Variants in USP5 observed in about 807,000 individuals in gnomAD.
USP5 encodes ubiquitin specific peptidase 5.
In USP5, 24 loss-of-function variants were observed where a neutral mutation model predicts 102.5. The ratio of observed to expected loss-of-function variants is 0.23; its 90% CI spans 0.17 to 0.33. The LOEUF (loss-of-function observed/expected upper bound fraction) is 0.33, where lower values mean the gene tolerates loss of function less well. Ranked by LOEUF, USP5 falls within the 10% of genes least tolerant of loss-of-function variation. The pLI, the probability that USP5 is intolerant of heterozygous loss-of-function variation, is 1.00. For synonymous variants in USP5, 460 were observed against 434.8 expected (o/e 1.06, Z -0.72); for missense variants, 753 against 1,122.1 (o/e 0.67, Z 4.70).
chr12:6,865,365 A>T, intron 19 of USP5, 117 bp downstream of exon 19: 1 of 919,972 alleles, frequency 1.1e-6, no homozygotes, highest in Non-Finnish European at 1.7e-6. Flanking sequence ...ATGGGGACAT[A>T]AAGTGCCAGA....
Position 6,858,341 on chromosome 12 carries a change from T to G in USP5, c.865-83T>G. The stretch of plus-strand genomic sequence containing the variant: ...ACAAATTCTAGGCCACAGTTGAGTA[T>G]CATCCTAGACTCAGTGAGAGATCGA... On this transcript the variant is annotated intron_variant, in intron 7 of 19. Coordinates refer to ENST00000229268, the MANE Select transcript of USP5 (RefSeq NM_001098536.2). The surrounding 1 kb of genome is among the most constrained non-coding windows in gnomAD (Gnocchi z 4.2). 2 of 1,423,624 alleles carry G rather than the reference T, an allele frequency of 1.4e-6. No homozygotes were observed. Among genetic ancestry groups the G allele is most frequent in the Non-Finnish European group, 1.9e-6 (2 of 1,036,442 alleles). The allele number at this position is 1,423,624 out of a possible 1,614,324, so 88.2% of individuals were successfully genotyped here. A position where few individuals can be genotyped will look rare whatever the true frequency, so the allele number is the denominator to read the frequency against.
rs1031844214 is a variant in USP5 at position 6,857,723 on chromosome 12, G to A, written c.864G>A (p.Lys288=). The A allele has an allele frequency of 6.2e-7, 1 of 1,614,098 alleles. No homozygotes were observed. Among genetic ancestry groups the A allele is most frequent in the Non-Finnish European group, 8.5e-7 (1 of 1,180,016 alleles). The change falls in exon 7 of 20, where the codon AAG becomes AAA. Residue 288 remains lysine (K), a splice_region_variant and synonymous_variant. Coordinates refer to ENST00000229268, the MANE Select transcript of USP5 (RefSeq NM_001098536.2). ...HFGIDMLKMQ[K]TDKTMTELEI... ...GCATCGACATGCTGAAGATGCAGAAGGTGAGACCCCCTTCAACTTCAGATT... is the reference window on the plus strand; with the variant it reads ...GCATCGACATGCTGAAGATGCAGAAAGTGAGACCCCCTTCAACTTCAGATT...
Position 6,855,834 on chromosome 12 carries a change from G to A in USP5, c.304+13G>A, listed in dbSNP as rs201410113. The A allele has an allele frequency of 5.0e-6, 8 of 1,614,178 alleles. No individual in the cohort carries two copies. The highest frequency in any genetic ancestry group is 2.2e-5 in the East Asian group (1 of 44,868). On this transcript the variant is annotated intron_variant, in intron 3 of 19. Transcript: ENST00000229268. The surrounding 1 kb of genome is among the most constrained non-coding windows in gnomAD (Gnocchi z 4.6). Reference sequence around the variant, plus strand: ...CGGCTGGCTATTGGTGAGCACCGCTGCAGTCCTATTCTTCTCCCTGAGCTG... The same window carrying A: ...CGGCTGGCTATTGGTGAGCACCGCTACAGTCCTATTCTTCTCCCTGAGCTG...
Position 6,863,322 on chromosome 12 carries a change from C to T in USP5, c.1899C>T (p.Phe633=). 1 of 1,614,220 alleles carries T rather than the reference C, an allele frequency of 6.2e-7. No homozygotes were observed. The highest frequency in any genetic ancestry group is 8.5e-7 in the Non-Finnish European group (1 of 1,180,028). Residue 633 remains phenylalanine, a synonymous_variant, in exon 15 of 20, where the codon TTC becomes TTT. Coordinates refer to ENST00000229268, the MANE Select transcript of USP5 (RefSeq NM_001098536.2). This position sits in a 1 kb window ranked among gnomAD's most constrained non-coding sequence, Gnocchi z 4.7. ...ATGAGCCCAAAGGTAGCCTTGGTTT[C>T]TATGGCAACGAAGACGAAGACTCCT... ...TPDEPKGSLG[F]YGNEDEDSFC...
chr12:6,854,337 G>A (rs1944045996), intron 1 of USP5, among the ~76,000 whole-genome samples: 1 of 152,152 alleles, frequency 6.6e-6, no homozygotes, highest in Admixed American at 6.5e-5. Context: ...CAGACTGGGT[G>A]CATGTTTAGC....
Position 6,858,435 on chromosome 12 carries a change from G to A in USP5, c.876G>A (p.Thr292=). 4.4e-6 allele frequency: 7 copies of A among 1,602,324 alleles called. No homozygotes were observed. Among genetic ancestry groups the A allele is most frequent in the Non-Finnish European group, 5.1e-6 (6 of 1,169,904 alleles). The change falls in exon 8 of 20, where the codon ACG becomes ACA. Residue 292 remains threonine (T), a synonymous_variant. Transcript: ENST00000229268. The surrounding 1 kb of genome is among the most constrained non-coding windows in gnomAD (Gnocchi z 4.2). ...DMLKMQKTDK[T]MTELEIDMNQ... ...CCCTTCTCACACAGACAGACAAGACGATGACTGAGTTGGAGATAGACATGA... is the reference window on the plus strand; with the variant it reads ...CCCTTCTCACACAGACAGACAAGACAATGACTGAGTTGGAGATAGACATGA...
rs1591605812 is a variant in USP5 at position 6,856,621 on chromosome 12, G to A, written c.585-86G>A. On this transcript the variant is annotated intron_variant, in intron 5 of 19. Coordinates refer to ENST00000229268, the MANE Select transcript of USP5 (RefSeq NM_001098536.2). The surrounding 1 kb of genome is among the most constrained non-coding windows in gnomAD (Gnocchi z 5.6). ...GAGAAGAGAGAGAGACCTTGGATTG[G>A]CGGGGGGCCTGCAGAGCCCTCTCTC... 6.5e-7 allele frequency: 1 copy of A among 1,540,996 alleles called. No individual in the cohort carries two copies. The highest frequency in any genetic ancestry group is 2.3e-5 in the East Asian group (1 of 43,212).
Position 6,861,082 on chromosome 12 carries a change from C to T in USP5, c.1474C>T (p.Pro492Ser), listed in dbSNP as rs781900287. 5.0e-6 allele frequency: 8 copies of T among 1,614,220 alleles called. No homozygotes were observed. Among genetic ancestry groups the T allele is most frequent in the Non-Finnish European group, 2.5e-6 (3 of 1,180,038 alleles). Residue 492 changes from proline to serine, a missense_variant, in exon 12 of 20, where the codon CCC becomes TCC. Pro to Ser is a moderately conservative substitution (Grantham distance 74). Transcript: ENST00000229268. The surrounding 1 kb of genome is among the most constrained non-coding windows in gnomAD (Gnocchi z 4.9). ...TGACTACATCATGCAGCTGCCTGTG[C>T]CCATGGATGCAGCCCTTAACAAAGG... is the stretch of plus-strand genomic sequence containing the variant. Reference protein sequence around the residue: ...RVDYIMQLPVPMDAALNKEEL... With the variant: ...RVDYIMQLPVSMDAALNKEEL...
Position 6,861,256 on chromosome 12 carries a change from C to T in USP5, c.1498+150C>T. 1 of 1,397,752 alleles carries T rather than the reference C, an allele frequency of 7.2e-7. No individual in the cohort carries two copies. The highest frequency in any genetic ancestry group is 9.6e-7 in the Non-Finnish European group (1 of 1,036,756). 86.6% of individuals were successfully genotyped at this position (1,397,752 alleles called of 1,614,324 possible). A position where few individuals can be genotyped will look rare whatever the true frequency, so the allele number is the denominator to read the frequency against. ...GGCCACCAGGAGTAGGTAGATTAAC[C>T]TCGTCCAGTGGACACTCAGCTTGTT... On this transcript the variant is annotated intron_variant, in intron 12 of 19. Coordinates refer to ENST00000229268, the MANE Select transcript of USP5 (RefSeq NM_001098536.2). This position sits in a 1 kb window ranked among gnomAD's most constrained non-coding sequence, Gnocchi z 4.9.
Position 6,863,454 on chromosome 12 carries a change from C to T in USP5, c.1954+77C>T. On this transcript the variant is annotated intron_variant, in intron 15 of 19. Transcript: ENST00000229268. This position sits in a 1 kb window ranked among gnomAD's most constrained non-coding sequence, Gnocchi z 4.7. ...TCTGCCTTGCATCCCCTGCCCCTGT[C>T]CTTTGTGTTTCTCCTGTCCTCCCTT... 7.4e-6 allele frequency: 11 copies of T among 1,492,112 alleles called. No individual in the cohort carries two copies. The highest frequency in any genetic ancestry group is 1.0e-5 in the Non-Finnish European group (11 of 1,094,974). The allele number at this position is 1,492,112 out of a possible 1,614,324, so 92.4% of individuals were successfully genotyped here. A position where few individuals can be genotyped will look rare whatever the true frequency, so the allele number is the denominator to read the frequency against.
intron 13 of USP5, among the ~76,000 whole-genome samples, chr12:6,862,082 GTT>G (rs200867324): frequency 3.5e-5 from 5 of 142,906 alleles, no homozygotes; most frequent in East Asian, 4.1e-4. Context: ...CTCTGTGTGG[GTT>G]TTTTTTTTTT....
chr12:6,856,287 A>T lies in USP5; in HGVS notation c.439-18A>T. The stretch of plus-strand genomic sequence containing the variant: ...GGCAGGGGGTTGGGTATTGCCTCTG[A>T]CCCTCTGCTTCCCCCAGGTGACCAG... On this transcript the variant is annotated intron_variant, in intron 4 of 19. Transcript: ENST00000229268. This position sits in a 1 kb window ranked among gnomAD's most constrained non-coding sequence, Gnocchi z 5.6. The T allele has an allele frequency of 6.2e-7, 1 of 1,609,414 alleles. No homozygotes were observed. The highest frequency in any genetic ancestry group is 8.5e-7 in the Non-Finnish European group (1 of 1,177,578).
In USP5 at chr12:6,864,647, C is replaced by G; in HGVS notation, c.2245-75C>G. ...GAGCTTGCAGTGAGCCGAGATCGCG[C>G]CACTGCACTCCAGCCTGGGCGACAG... On this transcript the variant is annotated intron_variant, in intron 17 of 19. Transcript: ENST00000229268. The surrounding 1 kb of genome is among the most constrained non-coding windows in gnomAD (Gnocchi z 4.8). The G allele has an allele frequency of 6.6e-7, 1 of 1,511,074 alleles. No individual in the cohort carries two copies. The highest frequency in any genetic ancestry group is 8.9e-7 in the Non-Finnish European group (1 of 1,118,532). 93.6% of individuals were successfully genotyped at this position (1,511,074 alleles called of 1,614,324 possible).
rs782343189 is a variant in USP5, at chr12:6,861,145, G to A, written c.1498+39G>A. The A allele has an allele frequency of 1.9e-6, 3 of 1,611,562 alleles. No homozygotes were observed. The highest frequency in any genetic ancestry group is 1.1e-5 in the South Asian group (1 of 91,024). On this transcript the variant is annotated intron_variant, in intron 12 of 19. Transcript: ENST00000229268. This position sits in a 1 kb window ranked among gnomAD's most constrained non-coding sequence, Gnocchi z 4.9. ...TCAGCAAGGCCGTGGCACGGTGGGA[G>A]GCTAAGGTCTAGGAGGAATGCTTGG... is the stretch of plus-strand genomic sequence containing the variant.
Position 6,864,037 on chromosome 12 carries a change from T to C in USP5, c.2099-13T>C, listed in dbSNP as rs1443495756. On this transcript the variant is annotated splice_polypyrimidine_tract_variant and intron_variant, in intron 16 of 19. Transcript: ENST00000229268. This position sits in a 1 kb window ranked among gnomAD's most constrained non-coding sequence, Gnocchi z 4.8. ...ATCCTCCCCCAAACACATCAACCCC[T>C]TCACATCCACAGATTTTGCAAACCC... is the stretch of plus-strand genomic sequence containing the variant. 1.9e-6 allele frequency: 3 copies of C among 1,596,058 alleles called. No individual in the cohort carries two copies. Among genetic ancestry groups the C allele is most frequent in the Non-Finnish European group, 2.6e-6 (3 of 1,168,598 alleles).
chr12:6,855,318 T>A lies in USP5; in HGVS notation c.112-83T>A, dbSNP rs932509029. 19 of 1,565,966 alleles carry A rather than the reference T, an allele frequency of 1.2e-5. No individual in the cohort carries two copies. The African/African-American group carries it at 2.6e-4, about 21-fold the overall frequency. ...GAACATTTCTTCTGGAACCCAGCAG[T>A]TTCTGACTCCAGGTTTTGGTTTCCT... On this transcript the variant is annotated intron_variant, in intron 1 of 19. Coordinates refer to ENST00000229268, the MANE Select transcript of USP5 (RefSeq NM_001098536.2). This position sits in a 1 kb window ranked among gnomAD's most constrained non-coding sequence, Gnocchi z 4.6.
intron 6 of USP5, chr12:6,857,386 A>G (rs1555128559): frequency 8.0e-6 from 4 of 497,618 alleles, no homozygotes; most frequent in Non-Finnish European, 1.4e-5. Context: ...ACCTTATCCT[A>G]TACAGGTAGA....
rs1287297702 is a variant in USP5 at position 6,858,128 on chromosome 12, C to T, written c.865-296C>T. Among the ~76,000 whole-genome samples, 2 of 152,176 alleles carry T rather than the reference C, an allele frequency of 1.3e-5. No homozygotes were observed. Among genetic ancestry groups the T allele is most frequent in the Non-Finnish European group, 2.9e-5 (2 of 68,032 alleles). ...ATTTCCCTGAGGAAGCGATGCTTAA[C>T]TGACAATGTGAAGGAGGTTAGGGGT... is the stretch of plus-strand genomic sequence containing the variant. On this transcript the variant is annotated intron_variant, in intron 7 of 19. Transcript: ENST00000229268. The surrounding 1 kb of genome is among the most constrained non-coding windows in gnomAD (Gnocchi z 4.2).
In USP5 at chr12:6,860,873, C is replaced by G; in HGVS notation, c.1345-80C>G. On this transcript the variant is annotated intron_variant, in intron 11 of 19. Coordinates refer to ENST00000229268, the MANE Select transcript of USP5 (RefSeq NM_001098536.2). This position sits in a 1 kb window ranked among gnomAD's most constrained non-coding sequence, Gnocchi z 5.5. ...TCCGAGTGGTAGTCTGCCTTCTCTC[C>G]CTGACTCTCCCATGAACCTTTCAGG... 6.4e-7 allele frequency: 1 copy of G among 1,572,968 alleles called. No individual in the cohort carries two copies. Among genetic ancestry groups the G allele is most frequent in the Non-Finnish European group, 8.7e-7 (1 of 1,154,948 alleles).
Sources: allele counts gnomAD v4.1 joint callset (sites outside exome capture counted in the v4.1 genomes callset), GRCh38; gene constraint gnomAD v4.1.1; non-coding constraint Gnocchi (gnomAD v3.1); transcripts MANE v1.5; gene names NCBI Gene and HGNC (gene_info 2026-07-23, HGNC 2026-07-21).